MGAM2: variants seen among roughly 807,000 people sequenced by gnomAD.
MGAM2 encodes the protein maltase-glucoamylase 2 (putative).
MGAM2 carries 98 observed loss-of-function variants against 96.1 expected under a neutral mutation model. The observed-to-expected ratio is 1.02, with a 90% CI of 0.87 to 1.21. The LOEUF is 1.21. Ranked by LOEUF, MGAM2 falls within the 50% of genes most tolerant of loss-of-function variation. The probability of loss-of-function intolerance (pLI) is 0.00; values close to 1 mark genes in which losing one functional copy is unlikely to be tolerated. For missense variants in MGAM2, 2,055 were observed against 1,182.4 expected, an observed-to-expected ratio of 1.74 and a Z score of -10.82; for synonymous variants, 749 against 414.8, an observed-to-expected ratio of 1.81 and a Z score of -9.79.
At chr7:142,162,236 AC>A (rs1795911088) in intron 23 of MGAM2, among the ~76,000 whole-genome samples, 1 of 152,076 alleles carries the variant, frequency 6.6e-6, no homozygotes, top group East Asian at 1.9e-4. Context: ...GGAAAAAAAA[AC>A]ATTACCTTTG....
At chr7:142,149,915 T>A (rs1470916963) in intron 15 of MGAM2, among the ~76,000 whole-genome samples, 1 of 151,616 alleles carries the variant, frequency 6.6e-6, no homozygotes, top group East Asian at 2.0e-4. Flanking sequence ...ATCTTCCCAC[T>A]GTAGCTGATC....
At chr7:142,217,719 A>G (rs145230872) in intron 46 of MGAM2, among the ~76,000 whole-genome samples, 66 of 152,298 alleles carry the variant, frequency 4.3e-4, no homozygotes, top group African/African-American at 1.4e-3. Flanking sequence ...TAGGGTGATG[A>G]TAGTTAACAA....
chr7:142,127,690 G>A (rs1794767284), intron 3 of MGAM2, among the ~76,000 whole-genome samples: 1 of 152,074 alleles, frequency 6.6e-6, no homozygotes, highest in Non-Finnish European at 1.5e-5. Context: ...TTTATAAAGG[G>A]GAGTTCCCCT....
chr7:142,176,095 CAA>C (rs61345348), intron 32 of MGAM2, among the ~76,000 whole-genome samples: 326 of 131,198 alleles, frequency 2.5e-3, no homozygotes, highest in African/African-American at 7.7e-3. Flanking sequence ...CTGAAGATAG[CAA>C]AAAAAAAAAA....
chr7:142,203,709 C>A (rs1278812139), intron 45 of MGAM2, among the ~76,000 whole-genome samples: 1 of 152,074 alleles, frequency 6.6e-6, no homozygotes, highest in Non-Finnish European at 1.5e-5. Flanking sequence ...CTACAACCAT[C>A]TAATCTTTGA....
rs1005938050 is a variant in MGAM2 at position 142,175,673 on chromosome 7, G to A, written c.3709G>A (p.Asp1237Asn). Reference protein sequence around the residue: ...IPYDVQHVDIDYMNRKLDFTL... With the variant: ...IPYDVQHVDINYMNRKLDFTL... ...GCAGGACGTCCAGCATGTAGACATC[G>A]ATTACATGAACCGGAAGCTGGATTT... Residue 1237 changes from aspartate (D) to asparagine (N), a missense_variant, in exon 32 of 48, where the codon GAT becomes AAT. Coordinates refer to ENST00000477922, the MANE Select transcript of MGAM2 (RefSeq NM_001293626.2). 1.6e-5 allele frequency: 11 copies of A among 702,822 alleles called. No individual in the cohort carries two copies. The highest frequency in any genetic ancestry group is 5.2e-5 in the African/African-American group (3 of 57,352). 43.5% of individuals were successfully genotyped at this position (702,822 alleles called of 1,614,324 possible).
intron 17 of MGAM2, among the ~76,000 whole-genome samples, chr7:142,156,197 A>G (rs984939282): frequency 6.6e-6 from 1 of 152,064 alleles, no homozygotes; most frequent in African/African-American, 2.4e-5. Context: ...ACATTGTTTT[A>G]AAAATACTTT....
chr7:142,125,092 T>C (rs1794697432), intron 3 of MGAM2, among the ~76,000 whole-genome samples: 1 of 152,222 alleles, frequency 6.6e-6, no homozygotes, highest in Non-Finnish European at 1.5e-5. Context: ...TGAGACAGTT[T>C]ATCTGAAAGG....
intron 7 of MGAM2, among the ~76,000 whole-genome samples, chr7:142,136,131 C>T (rs1795054465): frequency 6.6e-6 from 1 of 152,136 alleles, no homozygotes; most frequent in South Asian, 2.1e-4. Context: ...CCCTTCTGCC[C>T]TTTGAGACTT....
intron 15 of MGAM2, among the ~76,000 whole-genome samples, chr7:142,150,794 T>C (rs1303425255): frequency 1.3e-5 from 2 of 152,210 alleles, no homozygotes; most frequent in African/African-American, 4.8e-5. Flanking sequence ...TAGCATAACC[T>C]ATAAGGTACT....
At chr7:142,185,339 A>G (rs1316311678) in intron 34 of MGAM2, among the ~76,000 whole-genome samples, 200 bp downstream of exon 34, 1 of 152,196 alleles carries the variant, frequency 6.6e-6, no homozygotes, top group Non-Finnish European at 1.5e-5. Flanking sequence ...TGTAGAAGGA[A>G]ATCATCAATG....
intron 1 of MGAM2, among the ~76,000 whole-genome samples, chr7:142,114,005 C>T (rs1004299103): frequency 2.0e-5 from 3 of 151,778 alleles, no homozygotes; most frequent in East Asian, 3.9e-4. Flanking sequence ...ATGGCGGGTG[C>T]CTGTAGTCCT....
At chr7:142,217,631 G>A (rs1015370154) in intron 46 of MGAM2, among the ~76,000 whole-genome samples, 1 of 152,152 alleles carries the variant, frequency 6.6e-6, no homozygotes, top group Non-Finnish European at 1.5e-5. Context: ...AGGGGTGGGG[G>A]CCATAAAGAG....
intron 33 of MGAM2, among the ~76,000 whole-genome samples, chr7:142,184,403 A>G (rs1585196917): frequency 6.6e-6 from 1 of 152,198 alleles, no homozygotes; most frequent in African/African-American, 2.4e-5. Flanking sequence ...CTTGTCTGTA[A>G]TATTGCCTTC....
chr7:142,132,564 T>C (rs1432621120), intron 6 of MGAM2, among the ~76,000 whole-genome samples: 3 of 130,974 alleles, frequency 2.3e-5, no homozygotes, highest in African/African-American at 5.9e-5. Context: ...ATACATTCCA[T>C]ATACTTTATA....
rs1298765515 is a variant in MGAM2 at position 142,201,245 on chromosome 7, T to A, written c.5137+1277T>A. Among the ~76,000 whole-genome samples the A allele has an allele frequency of 5.9e-5, 9 of 151,938 alleles. No homozygotes were observed. The East Asian group carries it at 1.6e-3, about 26-fold the overall frequency. ...GGCACAACACCCACTAATTTTTGTA[T>A]TTTTAGTAGAGATGGGGTTTCGCCA... On this transcript the variant is annotated intron_variant, in intron 45 of 47. Coordinates refer to ENST00000477922, the MANE Select transcript of MGAM2 (RefSeq NM_001293626.2).
chr7:142,197,088 A>G (rs1438840764), intron 40 of MGAM2, among the ~76,000 whole-genome samples: 3 of 152,198 alleles, frequency 2.0e-5, no homozygotes, highest in African/African-American at 7.2e-5. Flanking sequence ...CTTTGCTTTT[A>G]AGAATATTGA....
Position 142,220,931 on chromosome 7 carries a change from T to C in MGAM2, c.6420T>C (p.Asn2140=), listed in dbSNP as rs1280885182. The C allele has an allele frequency of 1.4e-6, 1 of 701,636 alleles. No homozygotes were observed. Among genetic ancestry groups the C allele is most frequent in the Non-Finnish European group, 2.6e-6 (1 of 384,630 alleles). 43.5% of individuals were successfully genotyped at this position (701,636 alleles called of 1,614,324 possible). ...TDVSTSTTIN[N]ISTPVQTNTT... ...TTAGCACTAGTACTACTATTAATAA[T>C]ATAAGTACTCCTGTTCAAACAAATA... is the stretch of plus-strand genomic sequence containing the variant. Residue 2140 remains asparagine, a synonymous_variant, in exon 48 of 48, where the codon AAT becomes AAC. Coordinates refer to ENST00000477922, the MANE Select transcript of MGAM2 (RefSeq NM_001293626.2).
intron 37 of MGAM2, among the ~76,000 whole-genome samples, chr7:142,192,592 C>A (rs550669571): frequency 6.6e-6 from 1 of 152,168 alleles, no homozygotes; most frequent in Non-Finnish European, 1.5e-5. Flanking sequence ...TTTCTTTTGG[C>A]AAAGAAGGGG....
Sources: allele counts gnomAD v4.1 joint callset (sites outside exome capture counted in the v4.1 genomes callset), GRCh38; gene constraint gnomAD v4.1.1; transcripts MANE v1.5; gene names NCBI Gene and HGNC (gene_info 2026-07-23, HGNC 2026-07-21).